EML1: variants seen among roughly 807,000 people sequenced by gnomAD.
EML1 encodes EMAP like 1.
Under a neutral mutation model 110.4 loss-of-function variants are expected in EML1, and 27 were observed. The ratio of observed to expected loss-of-function variants is 0.24; its 90% CI spans 0.18 to 0.34. The LOEUF is 0.34. Ranked by LOEUF, EML1 falls within the 10% of genes least tolerant of loss-of-function variation. The pLI is 1.00. For missense variants in EML1, 741 were observed against 1,030.9 expected (o/e 0.72, Z 3.85); for synonymous variants, 344 against 385.8 (o/e 0.89, Z 1.27).
intron 3 of EML1, 21 bp downstream of exon 3, chr14:99,865,667 T>C: frequency 1.9e-6 from 3 of 1,612,396 alleles, no homozygotes; most frequent in Non-Finnish European, 2.5e-6. Flanking sequence ...AGCAGGGCCT[T>C]AAATGAACTC....
intron 17 of EML1, among the ~76,000 whole-genome samples, chr14:99,921,971 G>A (rs2060138538): frequency 6.6e-6 from 1 of 152,080 alleles, no homozygotes; most frequent in South Asian, 2.1e-4. Flanking sequence ...GCTTTTTCTG[G>A]ACATATCGTG....
rs2057706329 is a variant in EML1 at position 99,793,430 on chromosome 14, G to GGCGGC, written c.-41_-37dup. 1.9e-6 allele frequency: 2 copies of GGCGGC among 1,029,394 alleles called. No individual in the cohort carries two copies. Among genetic ancestry groups the GGCGGC allele is most frequent in the South Asian group, 8.8e-5 (2 of 22,780 alleles). 63.8% of individuals were successfully genotyped at this position (1,029,394 alleles called of 1,614,324 possible). ...CTCAGCTCAGTGTGTGGTGAGCGGC[G>GGCGGC]GCGGCGCGGCCGGGCCGGGGAGCGG... On this transcript the variant is annotated 5_prime_UTR_variant, in exon 1 of 22. Transcript: ENST00000262233.
intron 1 of EML1, among the ~76,000 whole-genome samples, chr14:99,752,856 G>A (rs1238820779): frequency 6.6e-6 from 1 of 152,118 alleles, no homozygotes; most frequent in Non-Finnish European, 1.5e-5. Flanking sequence ...TTAAACAGCA[G>A]GTTTTTTTTT....
chr14:99,854,950 A>G (rs1399401107), intron 2 of EML1, among the ~76,000 whole-genome samples: 1 of 152,148 alleles, frequency 6.6e-6, no homozygotes, highest in Non-Finnish European at 1.5e-5. Context: ...CAAATGATGG[A>G]TGAGTAAGGG....
intron 3 of EML1, among the ~76,000 whole-genome samples, chr14:99,867,852 CTAT>C (rs977655411): frequency 1.3e-5 from 2 of 152,096 alleles, no homozygotes; most frequent in African/African-American, 4.8e-5. Flanking sequence ...ACTTTGAGTA[CTAT>C]GTTGAATAAT....
chr14:99,753,878 C>G (rs576663200), intron 1 of EML1, among the ~76,000 whole-genome samples: 1 of 152,192 alleles, frequency 6.6e-6, no homozygotes, highest in African/African-American at 2.4e-5. Context: ...CCCCAGTGTA[C>G]GGACCAGGAG....
chr14:99,867,638 T>A (rs1315725021), intron 3 of EML1, among the ~76,000 whole-genome samples: 1 of 150,942 alleles, frequency 6.6e-6, no homozygotes, highest in Non-Finnish European at 1.5e-5. Flanking sequence ...TGTTATTATA[T>A]AGAAATGCAT....
At chr14:99,792,872 C>T (rs983793020), upstream of EML1, 1 of 152,262 alleles carries the variant, frequency 6.6e-6, no homozygotes. Flanking sequence ...ATGTGGGCCA[C>T]AGTGAGCCGC....
At chr14:99,808,541 G>A (rs545487840) in intron 1 of EML1, among the ~76,000 whole-genome samples, 7 of 152,168 alleles carry the variant, frequency 4.6e-5, no homozygotes, top group Middle Eastern at 3.4e-3. Flanking sequence ...TATTATATAC[G>A]TATTTAGTGA....
rs535020525 is a variant in EML1 at position 99,888,461 on chromosome 14, C to G, written c.519-2738C>G. ...AAAATAGTTTTCTTATCTTTTGATT[C>G]CATACCTGGCTTCCCTTTGATTATG... is the stretch of plus-strand genomic sequence containing the variant. On this transcript the variant is annotated intron_variant, in intron 4 of 21. Coordinates refer to ENST00000262233, the MANE Select transcript of EML1 (RefSeq NM_004434.3). 6.6e-5 allele frequency among the ~76,000 whole-genome samples: 10 copies of G among 152,310 alleles called. No individual in the cohort carries two copies. In the South Asian group the frequency reaches 1.9e-3, roughly 28 times the overall value.
rs1422115380 is a variant in EML1 at position 99,941,056 on chromosome 14, G to T, written c.*944G>T. The T allele has an allele frequency of 6.6e-6, 1 of 152,168 alleles. No homozygotes were observed. The highest frequency in any genetic ancestry group is 1.5e-5 in the Non-Finnish European group (1 of 68,040). The allele number at this position is 152,168 out of a possible 1,614,324, so 9.4% of individuals were successfully genotyped here. A position where few individuals can be genotyped will look rare whatever the true frequency, so the allele number is the denominator to read the frequency against. On this transcript the variant is annotated 3_prime_UTR_variant, in exon 22 of 22. Coordinates refer to ENST00000262233, the MANE Select transcript of EML1 (RefSeq NM_004434.3). ...TCTCTCTCGAGCGTACCATAAACCT[G>T]CAGAGAGAAGTCTCGAAAGGCTCCA...
chr14:99,889,055 G>A (rs1436915157), intron 4 of EML1, among the ~76,000 whole-genome samples: 2 of 152,214 alleles, frequency 1.3e-5, no homozygotes, highest in Non-Finnish European at 2.9e-5. Context: ...CAGGAGGAAA[G>A]CCGAGAGACG....
At position 99,914,265 on chromosome 14, in the gene EML1, G is replaced by T. The variant is rs2059995912; in HGVS notation, c.1581G>T (p.Leu527=). 6.2e-7 allele frequency: 1 copy of T among 1,613,932 alleles called. No homozygotes were observed. The highest frequency in any genetic ancestry group is 8.5e-7 in the Non-Finnish European group (1 of 1,179,870). ...TTGGCACAACTCGAAACTTTGTCCT[G>T]CAGGGCACTCTGTCAGGGGACTTCA... is the stretch of plus-strand genomic sequence containing the variant. ...ILIGTTRNFV[L]QGTLSGDFTP... The change falls in exon 14 of 22, where the codon CTG becomes CTT. Residue 527 remains leucine, a synonymous_variant. Transcript: ENST00000262233.
At chr14:99,889,969 T>C (rs2059558313) in intron 4 of EML1, among the ~76,000 whole-genome samples, 1 of 152,198 alleles carries the variant, frequency 6.6e-6, no homozygotes, top group Non-Finnish European at 1.5e-5. Flanking sequence ...CCCCACCCCA[T>C]GTGCTGCAGG....
chr14:99,896,865 A>G (rs1398199617), intron 6 of EML1, among the ~76,000 whole-genome samples: 1 of 152,148 alleles, frequency 6.6e-6, no homozygotes, highest in Non-Finnish European at 1.5e-5. Context: ...CGTAGATTAC[A>G]GTAAAAAAAT....
chr14:99,804,819 C>T (rs1287285834), intron 1 of EML1, among the ~76,000 whole-genome samples: 1 of 152,142 alleles, frequency 6.6e-6, no homozygotes, highest in African/African-American at 2.4e-5. Flanking sequence ...AAATGGAAAC[C>T]TCATTTATCT....
intron 1 of EML1, among the ~76,000 whole-genome samples, chr14:99,837,213 A>C (rs948576228): frequency 6.6e-6 from 1 of 152,116 alleles, no homozygotes; most frequent in South Asian, 2.1e-4. Flanking sequence ...TGTCTCAGCA[A>C]CTTAGGGAGA....
At position 99,936,436 on chromosome 14, in the gene EML1, C is replaced by A; in HGVS notation, c.2095+102C>A. On this transcript the variant is annotated intron_variant, in intron 19 of 21. Coordinates refer to ENST00000262233, the MANE Select transcript of EML1 (RefSeq NM_004434.3). The surrounding 1 kb of genome is among the most constrained non-coding windows in gnomAD (Gnocchi z 5.5). ...GAACCCACCTCCTGTATGACTTAGG[C>A]ACGTGCCATCATCTCTAGGTCATGG... The A allele has an allele frequency of 9.7e-7, 1 of 1,027,060 alleles. No individual in the cohort carries two copies. The allele number at this position is 1,027,060 out of a possible 1,614,324, so 63.6% of individuals were successfully genotyped here.
At chr14:99,807,971 A>G (rs1442654364) in intron 1 of EML1, among the ~76,000 whole-genome samples, 2 of 152,112 alleles carry the variant, frequency 1.3e-5, no homozygotes, top group East Asian at 1.9e-4. Flanking sequence ...GTCATGCTTT[A>G]TCAGTCACGA....
Sources: gnomAD v4.1 joint callset for allele counts (sites outside exome capture counted in the v4.1 genomes callset) on GRCh38, gnomAD v4.1.1 for gene constraint, Gnocchi (gnomAD v3.1) non-coding constraint, MANE v1.5 for transcripts, NCBI Gene and HGNC (gene_info 2026-07-23, HGNC 2026-07-21) for gene names.